Variants in GPR89A observed in about 807,000 individuals in gnomAD.
GPR89A encodes G protein-coupled receptor 89A.
A neutral mutation model predicts 52.0 loss-of-function variants in GPR89A; 16 were observed. The observed-to-expected ratio is 0.31, with a 90% CI of 0.21 to 0.47. The LOEUF (loss-of-function observed/expected upper bound fraction) is 0.47. Among genes scored for constraint, GPR89A ranks in the 20% least tolerant of loss-of-function variants. The probability of loss-of-function intolerance (pLI) is 1.00; values close to 1 mark genes in which losing one functional copy is unlikely to be tolerated. For synonymous variants in GPR89A, 55 were observed against 150.9 expected, an observed-to-expected ratio of 0.36 and a Z score of 4.66; for missense variants, 135 against 449.4, an observed-to-expected ratio of 0.30 and a Z score of 6.33.
intron 10 of GPR89A, among the ~76,000 whole-genome samples, chr1:145,649,583 G>T (rs1189245777): frequency 2.6e-5 from 4 of 151,962 alleles, no homozygotes; most frequent in Middle Eastern, 3.2e-3. Flanking sequence ...CCAGTTGGGG[G>T]ATATTACAGA....
intron 7 of GPR89A, among the ~76,000 whole-genome samples, chr1:145,642,590 C>G (rs1193603232): frequency 6.6e-6 from 1 of 152,210 alleles, no homozygotes; most frequent in Non-Finnish European, 1.5e-5. Context: ...CAAAAAATTT[C>G]ACCCATAGAA....
chr1:145,651,102 C>T (rs1321330360), intron 10 of GPR89A, among the ~76,000 whole-genome samples: 3 of 151,972 alleles, frequency 2.0e-5, no homozygotes, highest in Non-Finnish European at 4.4e-5. Flanking sequence ...CCTAGATTTT[C>T]TTCTAGGTTT....
chr1:145,647,836 C>T (rs1444459970), intron 10 of GPR89A, among the ~76,000 whole-genome samples: 2 of 4,016 alleles, frequency 5.0e-4, no homozygotes, highest in Non-Finnish European at 9.7e-4. Flanking sequence ...GACTCTCTCT[C>T]TCTCTCTCCT....
At chr1:145,610,286 C>T (rs1181651195) in intron 1 of GPR89A, among the ~76,000 whole-genome samples, 1 of 151,982 alleles carries the variant, frequency 6.6e-6, no homozygotes, top group Non-Finnish European at 1.5e-5. Context: ...TCAGAGGTCA[C>T]GTATTCAATC....
rs1224703011 is a variant in GPR89A, at chr1:145,616,829, C to T, written c.102+536C>T. ...ATTGGTAGGACCGTGATGGTGACTC[C>T]GAGCCACAAAACCAGCAAGTTTTTA... On this transcript the variant is annotated intron_variant, in intron 2 of 13. Coordinates refer to ENST00000313835, the MANE Select transcript of GPR89A (RefSeq NM_001097612.2). Among the ~76,000 whole-genome samples the T allele has an allele frequency of 2.4e-4, 36 of 151,624 alleles. 1 individual carries two copies. The highest frequency in any genetic ancestry group is 1.8e-3 in the Admixed American group (27 of 15,260).
At chr1:145,639,940 G>A (rs1292690857) in intron 7 of GPR89A, among the ~76,000 whole-genome samples, 2 of 151,876 alleles carry the variant, frequency 1.3e-5, no homozygotes, top group Non-Finnish European at 2.9e-5. Context: ...AAAACACGCC[G>A]GGCGTGGTGG....
chr1:145,645,188 A>G (rs1483875571), intron 8 of GPR89A: 2 of 184,558 alleles, frequency 1.1e-5, no homozygotes, highest in African/African-American at 4.8e-5. Context: ...CAAGGAGCTT[A>G]CCCTCTAATC....
intron 7 of GPR89A, among the ~76,000 whole-genome samples, chr1:145,633,647 T>C (rs1311461331): frequency 2.1e-5 from 1 of 47,766 alleles, no homozygotes; most frequent in African/African-American, 1.1e-4. Context: ...TGCTTTGTAG[T>C]ATAATATGAA....
In GPR89A at chr1:145,623,070, TGG is replaced by T; in HGVS notation, c.224_225del (p.Trp75Ter). On this transcript the variant is annotated frameshift_variant, in exon 4 of 14. Coordinates refer to ENST00000313835, the MANE Select transcript of GPR89A (RefSeq NM_001097612.2). LOFTEE classifies it high-confidence loss of function. ...VLNSSSRYFH[W>X]KMNLCVILLI... Reference sequence around the variant, plus strand: ...TTATTTCAGCTCCCGTTATTTTCACTGGAAAATGAACCTGTGTGTAATTCTGC... The same window carrying T: ...TTATTTCAGCTCCCGTTATTTTCACTAAAATGAACCTGTGTGTAATTCTGC... The T allele has an allele frequency of 6.2e-7, 1 of 1,611,126 alleles. No individual in the cohort carries two copies. Among genetic ancestry groups the T allele is most frequent in the Admixed American group, 1.7e-5 (1 of 59,782 alleles).
intron 9 of GPR89A, chr1:145,646,677 A>T (rs1448819093): frequency 4.3e-6 from 1 of 231,536 alleles, no homozygotes; most frequent in Non-Finnish European, 8.4e-6. Context: ...TAAGTGTCGA[A>T]ACTGTAAGAA....
Position 145,616,312 on chromosome 1 carries a change from G to T in GPR89A, c.102+19G>T. The T allele has an allele frequency of 1.3e-6, 2 of 1,594,872 alleles. No homozygotes were observed. The highest frequency in any genetic ancestry group is 8.6e-7 in the Non-Finnish European group (1 of 1,167,888). ...CTATGAGGTGAGAAGAAATCATTTT[G>T]TCATACTTACACTATATGATTTAGA... On this transcript the variant is annotated intron_variant, in intron 2 of 13. Transcript: ENST00000313835.
At chr1:145,609,209 G>T (rs1260449535) in intron 1 of GPR89A, among the ~76,000 whole-genome samples, 5 of 152,100 alleles carry the variant, frequency 3.3e-5, no homozygotes, top group African/African-American at 1.2e-4. Flanking sequence ...AGTTACCTTT[G>T]GGGGCTTAAA....
chr1:145,608,447 A>G, intron 1 of GPR89A: 1 of 631,826 alleles, frequency 1.6e-6, no homozygotes, highest in Middle Eastern at 4.4e-4. Flanking sequence ...GCCGACCTCC[A>G]GGCTAAGAGC....
intron 5 of GPR89A, among the ~76,000 whole-genome samples, chr1:145,626,180 G>A (rs587750305): frequency 2.7e-5 from 4 of 150,740 alleles, no homozygotes; most frequent in East Asian, 1.9e-4. Flanking sequence ...TATCTGTGAC[G>A]GTAGAAGTCA....
chr1:145,665,237 C>T (rs1174709421), intron 11 of GPR89A, among the ~76,000 whole-genome samples: 13 of 151,332 alleles, frequency 8.6e-5, no homozygotes, highest in African/African-American at 2.7e-4. Flanking sequence ...AATACCAACA[C>T]TTTGGGAGGC....
intron 3 of GPR89A, among the ~76,000 whole-genome samples, chr1:145,619,612 A>T (rs1648976400): frequency 1.3e-5 from 2 of 151,960 alleles, no homozygotes; most frequent in South Asian, 4.2e-4. Flanking sequence ...AAAAAGAGTG[A>T]GAGAGAGAGA....
At chr1:145,646,025 A>C (rs782185849) in intron 8 of GPR89A, 159 bp from the exon 9 acceptor site, 24 of 1,056,706 alleles carry the variant, frequency 2.3e-5, no homozygotes, top group Admixed American at 6.3e-5. Flanking sequence ...AGAGGTTGGG[A>C]AAGCTGCTCT....
At chr1:145,667,978 T>C (rs1365290842) in intron 12 of GPR89A, among the ~76,000 whole-genome samples, 3 of 152,208 alleles carry the variant, frequency 2.0e-5, no homozygotes, top group African/African-American at 7.2e-5. Flanking sequence ...ACTGTAGCCT[T>C]GTAGTATAGC....
At chr1:145,652,244 T>C (rs1254663737) in intron 10 of GPR89A, among the ~76,000 whole-genome samples, 4 of 151,240 alleles carry the variant, frequency 2.6e-5, no homozygotes, top group African/African-American at 4.9e-5. Context: ...TCTGTGTCTA[T>C]TGAGATAATC....
Sources: gnomAD v4.1 joint callset for allele counts (sites outside exome capture counted in the v4.1 genomes callset) on GRCh38, gnomAD v4.1.1 for gene constraint, MANE v1.5 for transcripts, NCBI Gene and HGNC (gene_info 2026-07-23, HGNC 2026-07-21) for gene names.